SCAF4: variants seen among roughly 807,000 people sequenced by gnomAD.
The protein encoded by SCAF4 is SR-related and CTD-associated factor 4.
Under a neutral mutation model 129.8 loss-of-function variants are expected in SCAF4, and 25 were observed. The observed-to-expected ratio is 0.19, with a 90% CI of 0.14 to 0.27. SCAF4 has a LOEUF of 0.27. Ranked by LOEUF, SCAF4 falls within the 10% of genes least tolerant of loss-of-function variation. The probability of loss-of-function intolerance (pLI) is 1.00; values close to 1 mark genes in which losing one functional copy is unlikely to be tolerated. For missense variants in SCAF4, 1,246 were observed against 1,457.1 expected, an observed-to-expected ratio of 0.86 and a Z score of 2.36; for synonymous variants, 551 against 497.7, an observed-to-expected ratio of 1.11 and a Z score of -1.43.
intron 19 of SCAF4, 59 bp from the exon 20 acceptor site, chr21:31,672,413 CTGTGTTCTG>C: frequency 7.7e-7 from 1 of 1,296,942 alleles, no homozygotes; most frequent in Non-Finnish European, 1.1e-6. Flanking sequence ...CCAGTTTCAG[CTGTGTTCTG>C]TGGCGCTTAA....
intron 1 of SCAF4, among the ~76,000 whole-genome samples, chr21:31,721,728 T>C (rs907088712): frequency 6.0e-5 from 9 of 149,508 alleles, no homozygotes; most frequent in African/African-American, 2.0e-4. Flanking sequence ...AGCAATTCTT[T>C]TTTTTTTTTT....
At chr21:31,724,053 TTATC>T (rs1424384975) in intron 1 of SCAF4, among the ~76,000 whole-genome samples, 1 of 152,204 alleles carries the variant, frequency 6.6e-6, no homozygotes, top group African/African-American at 2.4e-5. Flanking sequence ...GTATACTTAC[TTATC>T]TATGTCTTAA....
chr21:31,698,729 C>T (rs2123566021), intron 7 of SCAF4, among the ~76,000 whole-genome samples: 1 of 152,082 alleles, frequency 6.6e-6, no homozygotes, highest in Non-Finnish European at 1.5e-5. Context: ...AGGGAATTAT[C>T]CTCAGCAGTG....
chr21:31,702,504 C>T (rs1457857362), intron 4 of SCAF4, 125 bp from the exon 5 acceptor site: 4 of 835,776 alleles, frequency 4.8e-6, no homozygotes, highest in South Asian at 3.9e-5. Context: ...GTTTCATAAA[C>T]AAGGAAAAAA....
At chr21:31,690,716 G>C in intron 15 of SCAF4, 81 bp downstream of exon 15, 1 of 1,288,732 alleles carries the variant, frequency 7.8e-7, no homozygotes, top group Non-Finnish European at 1.1e-6. Context: ...ACGTCCTAAT[G>C]CAAGGAACAG....
chr21:31,690,969 T>G lies in SCAF4; in HGVS notation c.1729-16A>C. On this transcript the variant is annotated splice_polypyrimidine_tract_variant and intron_variant, in intron 14 of 19. Transcript: ENST00000286835. ...CCCAGGCAATCTATTTCACCATTAG[T>G]GAAAATATAAAAAGAAAACAAAGCA... The G allele has an allele frequency of 6.3e-7, 1 of 1,593,830 alleles. No individual in the cohort carries two copies. Among genetic ancestry groups the G allele is most frequent in the South Asian group, 1.1e-5 (1 of 87,598 alleles).
intron 1 of SCAF4, among the ~76,000 whole-genome samples, chr21:31,710,138 T>C (rs2050765419): frequency 1.3e-5 from 2 of 152,122 alleles, no homozygotes; most frequent in South Asian, 4.2e-4. Flanking sequence ...CTACTAAATA[T>C]CTAGGCAGAG....
At chr21:31,697,571 T>C (rs1268144631) in intron 7 of SCAF4, among the ~76,000 whole-genome samples, 1 of 152,198 alleles carries the variant, frequency 6.6e-6, no homozygotes, top group Non-Finnish European at 1.5e-5. Flanking sequence ...CGGACACTAG[T>C]CCTTTTGACT....
chr21:31,684,789 C>T, intron 19 of SCAF4: 2 of 452,544 alleles, frequency 4.4e-6, no homozygotes, highest in Non-Finnish European at 4.0e-6. Flanking sequence ...TGTGAAGATC[C>T]AAACTTTTAT....
At chr21:31,697,874 A>C (rs2050426832) in intron 7 of SCAF4, among the ~76,000 whole-genome samples, 1 of 152,224 alleles carries the variant, frequency 6.6e-6, no homozygotes, top group Non-Finnish European at 1.5e-5. Flanking sequence ...ACAAATGAGC[A>C]AGTTAGTATT....
At chr21:31,700,963 A>C in intron 7 of SCAF4, 32 bp downstream of exon 7, 1 of 1,602,582 alleles carries the variant, frequency 6.2e-7, no homozygotes, top group Non-Finnish European at 8.6e-7. Context: ...AGTGATATAA[A>C]TGGTGGGGTG....
At chr21:31,703,330 A>G (rs1023144) in intron 4 of SCAF4, among the ~76,000 whole-genome samples, 75,479 of 151,860 alleles carry the variant, frequency 0.5, 19,311 homozygotes, top group East Asian at 0.84. Flanking sequence ...CTTTACTGTG[A>G]TAAGAACACT....
At chr21:31,677,438 A>G in intron 19 of SCAF4, among the ~76,000 whole-genome samples, 1 of 152,160 alleles carries the variant, frequency 6.6e-6, no homozygotes, top group Non-Finnish European at 1.5e-5. Context: ...TCTCCTCTAT[A>G]GCAAATCTCC....
chr21:31,722,248 G>A (rs1215728842), intron 1 of SCAF4, among the ~76,000 whole-genome samples: 1 of 152,152 alleles, frequency 6.6e-6, no homozygotes, highest in Admixed American at 6.5e-5. Flanking sequence ...AACACATGCA[G>A]ATTTGATATA....
chr21:31,712,447 G>A (rs2050823108), intron 1 of SCAF4, among the ~76,000 whole-genome samples: 1 of 151,262 alleles, frequency 6.6e-6, no homozygotes. Flanking sequence ...TTAAATCCTG[G>A]CCTTGTGTGA....
At chr21:31,710,326 A>G (rs1352851137) in intron 1 of SCAF4, among the ~76,000 whole-genome samples, 1 of 152,134 alleles carries the variant, frequency 6.6e-6, no homozygotes, top group African/African-American at 2.4e-5. Context: ...AGGCGGGCAG[A>G]TCACCTGAGG....
intron 19 of SCAF4, among the ~76,000 whole-genome samples, chr21:31,677,476 C>T (rs9305467): frequency 0.046 from 6,974 of 152,246 alleles, 260 homozygotes; most frequent in Non-Finnish European, 0.066. Flanking sequence ...TAATTGTATC[C>T]TTCATCTCCC....
At chr21:31,716,557 CAT>C (rs951937123) in intron 1 of SCAF4, among the ~76,000 whole-genome samples, 3 of 152,224 alleles carry the variant, frequency 2.0e-5, no homozygotes, top group East Asian at 1.9e-4. Flanking sequence ...ATTAGCAACA[CAT>C]AGACACTGTA....
chr21:31,731,025 G>A (rs904951832), intron 1 of SCAF4, among the ~76,000 whole-genome samples: 6 of 152,170 alleles, frequency 3.9e-5, no homozygotes, highest in Admixed American at 2.0e-4. Context: ...CTATAAGAGG[G>A]TTATGTTCAC....
Sources: gnomAD v4.1 joint callset for allele counts (sites outside exome capture counted in the v4.1 genomes callset) on GRCh38, gnomAD v4.1.1 for gene constraint, MANE v1.5 for transcripts, NCBI Gene and HGNC (gene_info 2026-07-23, HGNC 2026-07-21) for gene names.